ASXL3: variants seen among roughly 807,000 people sequenced by gnomAD.
ASXL3 encodes putative Polycomb group protein ASXL3.
In ASXL3, 34 loss-of-function variants were observed where a neutral mutation model predicts 170.6. The ratio of observed to expected loss-of-function variants is 0.20; its 90% CI spans 0.15 to 0.27. The LOEUF (loss-of-function observed/expected upper bound fraction) is 0.27, where lower values mean the gene tolerates loss of function less well. Among genes scored for constraint, ASXL3 ranks in the 10% least tolerant of loss-of-function variants. The pLI, the probability that ASXL3 is intolerant of heterozygous loss-of-function variation, is 1.00. For synonymous variants in ASXL3, 1,002 were observed against 989.1 expected (o/e 1.01, Z -0.24); for missense variants, 2,592 against 2,695.3 (o/e 0.96, Z 0.85).
chr18:33,656,135 T>C (rs1322173908), intron 4 of ASXL3, among the ~76,000 whole-genome samples: 1 of 152,088 alleles, frequency 6.6e-6, no homozygotes, highest in East Asian at 1.9e-4. Flanking sequence ...TCAGATTTTA[T>C]TGACTTCTAA....
At chr18:33,600,715 C>T (rs2065175476) in intron 1 of ASXL3, among the ~76,000 whole-genome samples, 1 of 152,122 alleles carries the variant, frequency 6.6e-6, no homozygotes. Flanking sequence ...TTAGGATTCA[C>T]TTCTCAATTG....
intron 8 of ASXL3, among the ~76,000 whole-genome samples, chr18:33,716,265 T>G (rs767880715): frequency 6.6e-6 from 1 of 152,190 alleles, no homozygotes; most frequent in Non-Finnish European, 1.5e-5. Context: ...CCGTGGAACA[T>G]AGAGAGCAGT....
At position 33,750,180 on chromosome 18, in the gene ASXL3, G is replaced by C. The variant is rs1443101536; in HGVS notation, c.*3585G>C. The C allele has an allele frequency of 6.6e-6, 1 of 152,206 alleles. No homozygotes were observed. The highest frequency in any genetic ancestry group is 6.5e-5 in the Admixed American group (1 of 15,270). 9.4% of individuals were successfully genotyped at this position (152,206 alleles called of 1,614,324 possible). A position where few individuals can be genotyped will look rare whatever the true frequency, so the allele number is the denominator to read the frequency against. On this transcript the variant is annotated 3_prime_UTR_variant, in exon 12 of 12. Coordinates refer to ENST00000269197, the MANE Select transcript of ASXL3 (RefSeq NM_030632.3). The stretch of plus-strand genomic sequence containing the variant: ...TGCGTTCCCAGAGAACAATTGTGAA[G>C]AGTCCTAGAACAGGAACTCTGAATC...
At chr18:33,670,948 T>C (rs574954208) in intron 6 of ASXL3, among the ~76,000 whole-genome samples, 158 bp downstream of exon 6, 62 of 152,294 alleles carry the variant, frequency 4.1e-4, no homozygotes, top group Non-Finnish European at 4.1e-4. Context: ...TTCAAAAATA[T>C]AGACTATTTC....
rs1020031748 is a variant in ASXL3, at chr18:33,740,456, A to G, written c.3039+13A>G. 1 of 1,521,918 alleles carries G rather than the reference A, an allele frequency of 6.6e-7. No homozygotes were observed. Among genetic ancestry groups the G allele is most frequent in the South Asian group, 1.3e-5 (1 of 74,156 alleles). 94.3% of individuals were successfully genotyped at this position (1,521,918 alleles called of 1,614,324 possible). ...TCCCCCTCTCAAGGTATGGTATTAA[A>G]TAAACAAAAGGCAATTCCGTAGATA... is the stretch of plus-strand genomic sequence containing the variant. On this transcript the variant is annotated intron_variant, in intron 11 of 11. Coordinates refer to ENST00000269197, the MANE Select transcript of ASXL3 (RefSeq NM_030632.3).
intron 1 of ASXL3, among the ~76,000 whole-genome samples, chr18:33,606,766 G>A (rs984067333): frequency 2.0e-5 from 3 of 151,908 alleles, no homozygotes; most frequent in Non-Finnish European, 4.4e-5. Context: ...GTACCCAGAT[G>A]TGGTCCCTGT....
rs2064958090 is a variant in ASXL3, at chr18:33,578,233, T to TGAGCGGGGCC, written c.-392_-383dup. On this transcript the variant is annotated 5_prime_UTR_variant, in exon 1 of 12. Coordinates refer to ENST00000269197, the MANE Select transcript of ASXL3 (RefSeq NM_030632.3). The stretch of plus-strand genomic sequence containing the variant: ...CCCGTGACGTCAGAGTGTATTGTTG[T>TGAGCGGGGCC]GAGCGGGGCCGAGCGGAGCATCCCC... 6.6e-6 allele frequency: 1 copy of TGAGCGGGGCC among 151,334 alleles called. No individual in the cohort carries two copies. The highest frequency in any genetic ancestry group is 2.4e-5 in the African/African-American group (1 of 41,308). The allele number at this position is 151,334 out of a possible 1,614,324, so 9.4% of individuals were successfully genotyped here.
chr18:33,709,019 CAT>C (rs1228780032), intron 8 of ASXL3, among the ~76,000 whole-genome samples: 1 of 151,990 alleles, frequency 6.6e-6, no homozygotes, highest in South Asian at 2.1e-4. Flanking sequence ...GGCCGATAAA[CAT>C]ATGAAAATTT....
At chr18:33,619,446 G>GAA (rs56663499) in intron 2 of ASXL3, among the ~76,000 whole-genome samples, 5 of 139,712 alleles carry the variant, frequency 3.6e-5, no homozygotes, top group African/African-American at 1.3e-4. Flanking sequence ...TTTGAAGACT[G>GAA]AAAAAAAAAA....
Position 33,691,155 on chromosome 18 carries a change from A to T in ASXL3, c.879+7587A>T, listed in dbSNP as rs988412633. ...GCAATGGATTGAATGGAGAAAGAAA[A>T]GTGAGATTGAGCATCATATCCTCCC... On this transcript the variant is annotated intron_variant, in intron 8 of 11. Coordinates refer to ENST00000269197, the MANE Select transcript of ASXL3 (RefSeq NM_030632.3). 2.0e-5 allele frequency among the ~76,000 whole-genome samples: 3 copies of T among 152,288 alleles called. No homozygotes were observed. The South Asian group carries it at 6.2e-4, about 32-fold the overall frequency.
chr18:33,645,159 C>T (rs894946123), intron 3 of ASXL3, among the ~76,000 whole-genome samples, 157 bp downstream of exon 3: 5 of 151,952 alleles, frequency 3.3e-5, no homozygotes, highest in African/African-American at 9.7e-5. Context: ...TAAGAATAAA[C>T]AATGACATTT....
Position 33,740,131 on chromosome 18 carries a change from A to T in ASXL3, c.2727A>T (p.Ser909=), listed in dbSNP as rs1205634507. ...SAKLQDKQYI[S]SVDKAPFSEG... ...AATTACAGGACAAGCAATATATCTC[A>T]TCAGTGGATAAGGCTCCATTTTCAG... Residue 909 remains serine (S), a synonymous_variant, in exon 11 of 12, where the codon TCA becomes TCT. Transcript: ENST00000269197. The T allele has an allele frequency of 6.2e-7, 1 of 1,612,264 alleles. No individual in the cohort carries two copies. Among genetic ancestry groups the T allele is most frequent in the African/African-American group, 1.3e-5 (1 of 74,914 alleles).
chr18:33,744,720 C>T lies in ASXL3; in HGVS notation c.4872C>T (p.His1624=). 1 of 1,613,336 alleles carries T rather than the reference C, an allele frequency of 6.2e-7. No homozygotes were observed. Among genetic ancestry groups the T allele is most frequent in the Non-Finnish European group, 8.5e-7 (1 of 1,179,548 alleles). ...MRSTGQPLVT[H]SGSSKQKEYL... is the part of the protein sequence containing the mutation. ...GCACAGGACAGCCTCTGGTTACTCA[C>T]TCGGGTTCAAGTAAACAAAAAGAAT... is the stretch of plus-strand genomic sequence containing the variant. The change falls in exon 12 of 12, where the codon CAC becomes CAT. Residue 1624 remains histidine (H), a synonymous_variant. Transcript: ENST00000269197.
intron 8 of ASXL3, among the ~76,000 whole-genome samples, chr18:33,692,733 T>G (rs2066705756): frequency 6.6e-6 from 1 of 152,200 alleles, no homozygotes; most frequent in African/African-American, 2.4e-5. Flanking sequence ...CAGTAAAGGT[T>G]TTCCGAATGA....
chr18:33,593,036 C>G (rs1029971464), intron 1 of ASXL3, among the ~76,000 whole-genome samples: 3 of 151,978 alleles, frequency 2.0e-5, no homozygotes, highest in Non-Finnish European at 4.4e-5. Context: ...GAGAGTAGAA[C>G]AATCGTTGTA....
intron 7 of ASXL3, among the ~76,000 whole-genome samples, chr18:33,682,501 A>C (rs1306098346): frequency 6.6e-6 from 1 of 152,160 alleles, no homozygotes; most frequent in Non-Finnish European, 1.5e-5. Flanking sequence ...GAGTTGTGGA[A>C]TCATCCTGCA....
intron 2 of ASXL3, among the ~76,000 whole-genome samples, chr18:33,632,344 C>T (rs1050139289): frequency 2.0e-5 from 3 of 152,054 alleles, no homozygotes; most frequent in Non-Finnish European, 4.4e-5. Flanking sequence ...TCTTATTACT[C>T]TACAACCATG....
At chr18:33,649,646 T>C (rs1309640524) in intron 4 of ASXL3, 1 of 152,170 alleles carries the variant, frequency 6.6e-6, no homozygotes, top group Non-Finnish European at 1.5e-5. Context: ...TTGCCAAATG[T>C]AAATGATGAA....
chr18:33,704,762 A>G (rs767966634), intron 8 of ASXL3, among the ~76,000 whole-genome samples: 10 of 152,044 alleles, frequency 6.6e-5, no homozygotes, highest in Non-Finnish European at 1.5e-4. Flanking sequence ...TTAATATTTT[A>G]GTACCAAGAT....
Sources: allele counts gnomAD v4.1 joint callset (sites outside exome capture counted in the v4.1 genomes callset), GRCh38; gene constraint gnomAD v4.1.1; transcripts MANE v1.5; gene names NCBI Gene and HGNC (gene_info 2026-07-23, HGNC 2026-07-21).